Variants in RBM25 observed in about 807,000 individuals in gnomAD.
The protein encoded by RBM25 is RNA binding motif protein 25.
In RBM25, 19 loss-of-function variants were observed where a neutral mutation model predicts 120.7. The ratio of observed to expected loss-of-function variants is 0.16; its 90% CI spans 0.11 to 0.23. The LOEUF is 0.23. Among genes scored for constraint, RBM25 ranks in the 10% least tolerant of loss-of-function variants. RBM25 has a pLI of 1.00. For synonymous variants in RBM25, 390 were observed against 326.7 expected (o/e 1.19, Z -2.09); for missense variants, 605 against 1,041.5 (o/e 0.58, Z 5.77).
chr14:73,099,950 C>A, intron 9 of RBM25, 200 bp downstream of exon 9: 1 of 724,722 alleles, frequency 1.4e-6, no homozygotes, highest in Non-Finnish European at 2.0e-6. Context: ...TTAGTTTTTT[C>A]AGTTACTGAC....
chr14:73,059,563 G>A (rs539700175), intron 1 of RBM25: 49 of 152,328 alleles, frequency 3.2e-4, no homozygotes, highest in Admixed American at 9.2e-4. Context: ...GGAGCCAAGA[G>A]AAGGGAAGAG....
At chr14:73,089,483 T>G (rs552388884) in intron 6 of RBM25, among the ~76,000 whole-genome samples, 4 of 151,404 alleles carry the variant, frequency 2.6e-5, no homozygotes, top group Non-Finnish European at 5.9e-5. Context: ...GCCTCCTGAG[T>G]AGCTGGGATT....
intron 10 of RBM25, among the ~76,000 whole-genome samples, 159 bp from the exon 11 acceptor site, chr14:73,105,700 A>G (rs1227889347): frequency 6.6e-6 from 1 of 152,204 alleles, no homozygotes; most frequent in Non-Finnish European, 1.5e-5. Flanking sequence ...TGTCTTTCTG[A>G]TGAGTGTAGA....
intron 10 of RBM25, among the ~76,000 whole-genome samples, chr14:73,105,064 C>CACACACACACACACACAG (rs545944867): frequency 6.7e-6 from 1 of 149,164 alleles, no homozygotes; most frequent in Non-Finnish European, 1.5e-5. Flanking sequence ...CACACACACA[C>CACACACACACACACACAG]AGAGTTATTT....
intron 18 of RBM25, among the ~76,000 whole-genome samples, chr14:73,118,754 T>C (rs1303256987): frequency 1.3e-5 from 2 of 152,074 alleles, no homozygotes. Flanking sequence ...TTGTCGTTGT[T>C]AATTTACATT....
At chr14:73,112,308 A>T (rs1896325139) in intron 17 of RBM25, 58 bp downstream of exon 17, 1 of 1,432,408 alleles carries the variant, frequency 7.0e-7, no homozygotes. Flanking sequence ...AATATTAGAC[A>T]CTTCTTAAAA....
intron 2 of RBM25, among the ~76,000 whole-genome samples, chr14:73,073,867 T>C (rs1397999434): frequency 6.6e-6 from 1 of 152,214 alleles, no homozygotes; most frequent in East Asian, 1.9e-4. Flanking sequence ...TGTAAAAGTT[T>C]ACACTACTGC....
chr14:73,117,249 CAG>C (rs1276357515), intron 18 of RBM25, among the ~76,000 whole-genome samples: 5 of 53,212 alleles, frequency 9.4e-5, no homozygotes, highest in African/African-American at 1.6e-4. Flanking sequence ...TTTTTTGAGA[CAG>C]AGTCTTGCTC....
At chr14:73,113,986 C>T (rs362437) in intron 17 of RBM25, among the ~76,000 whole-genome samples, 2,452 of 152,108 alleles carry the variant, frequency 0.016, 48 homozygotes, top group East Asian at 0.049. Flanking sequence ...CAGTAGTGCT[C>T]TTTTGATATT....
At position 73,096,901 on chromosome 14, in the gene RBM25, C is replaced by T. The variant is rs1439144803; in HGVS notation, c.544-14C>T. On this transcript the variant is annotated splice_polypyrimidine_tract_variant and intron_variant, in intron 6 of 18. Transcript: ENST00000261973. The stretch of plus-strand genomic sequence containing the variant: ...TTGATTTTTCTTTCCCCTGAATTTG[C>T]TGTTTTGTTTAAGAATGCAAGGCCA... 6.2e-7 allele frequency: 1 copy of T among 1,603,564 alleles called. No homozygotes were observed. The highest frequency in any genetic ancestry group is 2.2e-5 in the East Asian group (1 of 44,714).
rs1896518406 is a variant in RBM25, at chr14:73,120,362, T to G, written c.*557T>G. On this transcript the variant is annotated 3_prime_UTR_variant, in exon 19 of 19. Coordinates refer to ENST00000261973, the MANE Select transcript of RBM25 (RefSeq NM_021239.3). Reference sequence around the variant, plus strand: ...GTGAATGTATGTGTAAAAGTCTTTCTTTTCCCTAATTTGCTTTGGTGGGGT... The same window carrying G: ...GTGAATGTATGTGTAAAAGTCTTTCGTTTCCCTAATTTGCTTTGGTGGGGT... 6.6e-6 allele frequency: 1 copy of G among 152,474 alleles called. No individual in the cohort carries two copies. Among genetic ancestry groups the G allele is most frequent in the South Asian group, 2.1e-4 (1 of 4,830 alleles). 9.4% of individuals were successfully genotyped at this position (152,474 alleles called of 1,614,324 possible). A position where few individuals can be genotyped will look rare whatever the true frequency, so the allele number is the denominator to read the frequency against.
chr14:73,070,361 C>G (rs1302493936), intron 1 of RBM25, among the ~76,000 whole-genome samples: 6 of 152,026 alleles, frequency 3.9e-5, no homozygotes, highest in Non-Finnish European at 7.4e-5. Flanking sequence ...CCAACCTGTT[C>G]TTAAACTTTA....
At chr14:73,113,697 TA>T (rs1023467436) in intron 17 of RBM25, among the ~76,000 whole-genome samples, 1 of 149,862 alleles carries the variant, frequency 6.7e-6, no homozygotes, top group Non-Finnish European at 1.5e-5. Context: ...TGTCTCAAAA[TA>T]AAAAAAAAGA....
chr14:73,077,805 A>G (rs1895458301), intron 4 of RBM25, among the ~76,000 whole-genome samples: 1 of 152,214 alleles, frequency 6.6e-6, no homozygotes, highest in South Asian at 2.1e-4. Flanking sequence ...TCACCTGTGA[A>G]TCCTTCATTT....
chr14:73,081,869 G>A (rs1336277773), intron 4 of RBM25, among the ~76,000 whole-genome samples: 3 of 152,210 alleles, frequency 2.0e-5, no homozygotes, highest in Admixed American at 2.0e-4. Flanking sequence ...GCCTCTCCTA[G>A]TGAGGATTTG....
intron 1 of RBM25, among the ~76,000 whole-genome samples, chr14:73,064,416 A>G (rs957532105): frequency 4.6e-5 from 7 of 151,332 alleles, no homozygotes; most frequent in African/African-American, 1.7e-4. Context: ...TTGTTTTGAA[A>G]TGGAGTCTCG....
At chr14:73,111,385 G>T in intron 15 of RBM25, 143 bp from the exon 16 acceptor site, 2 of 1,013,510 alleles carry the variant, frequency 2.0e-6, no homozygotes, top group South Asian at 3.4e-5. Context: ...TAGCACTTGT[G>T]AGTAGTGAGT....
rs928211521 is a variant in RBM25 at position 73,121,523 on chromosome 14, T to C, written c.*1718T>C. 2.0e-5 allele frequency: 3 copies of C among 152,306 alleles called. No homozygotes were observed. Among genetic ancestry groups the C allele is most frequent in the African/African-American group, 7.2e-5 (3 of 41,454 alleles). The allele number at this position is 152,306 out of a possible 1,614,324, so 9.4% of individuals were successfully genotyped here. On this transcript the variant is annotated 3_prime_UTR_variant, in exon 19 of 19. Transcript: ENST00000261973. ...ATGGAAATGTCTCTTTTATTTTAAA[T>C]TCTGGTTTCTCAACGGAAAATTTCA...
intron 1 of RBM25, among the ~76,000 whole-genome samples, chr14:73,061,067 TC>T (rs1219562705): frequency 1.3e-5 from 2 of 150,330 alleles, no homozygotes; most frequent in African/African-American, 2.4e-5. Flanking sequence ...TTTTTTTTTT[TC>T]CTTTTTGGAG....
Sources: allele counts gnomAD v4.1 joint callset (sites outside exome capture counted in the v4.1 genomes callset), GRCh38; gene constraint gnomAD v4.1.1; transcripts MANE v1.5; gene names NCBI Gene and HGNC (gene_info 2026-07-23, HGNC 2026-07-21).